ARHGAP26: variants seen among roughly 807,000 people sequenced by gnomAD.
ARHGAP26 encodes the protein Rho GTPase activating protein 26, also known as rho GTPase-activating protein 26.
In ARHGAP26, 38 loss-of-function variants were observed where a neutral mutation model predicts 104.8. That is an observed-to-expected ratio of 0.36 (90% CI 0.28 to 0.48). The LOEUF (loss-of-function observed/expected upper bound fraction) is 0.48. Ranked by LOEUF, ARHGAP26 falls within the 20% of genes least tolerant of loss-of-function variation. ARHGAP26 has a pLI of 0.99. For missense variants in ARHGAP26, 704 were observed against 947.9 expected (o/e 0.74, Z 3.38); for synonymous variants, 341 against 340.0 (o/e 1.00, Z -0.03).
intron 1 of ARHGAP26, among the ~76,000 whole-genome samples, chr5:142,851,120 CAG>C (rs1193534566): frequency 1.4e-5 from 2 of 146,420 alleles, no homozygotes; most frequent in Non-Finnish European, 3.0e-5. Flanking sequence ...TTTCCTGAGA[CAG>C]AGTCTCACTC....
intron 22 of ARHGAP26, 88 bp downstream of exon 22, chr5:143,214,176 C>T (rs1034592342): frequency 3.5e-6 from 3 of 856,354 alleles, no homozygotes; most frequent in East Asian, 2.8e-5. Flanking sequence ...AAGCTCCTCC[C>T]GAGGGAAAAT....
chr5:142,892,838 C>T (rs1336819415), intron 5 of ARHGAP26, among the ~76,000 whole-genome samples: 1 of 152,072 alleles, frequency 6.6e-6, no homozygotes, highest in East Asian at 1.9e-4. Flanking sequence ...TTCATATCTT[C>T]TAGATATTAT....
At chr5:143,185,223 G>A (rs972793859) in intron 20 of ARHGAP26, among the ~76,000 whole-genome samples, 5 of 152,182 alleles carry the variant, frequency 3.3e-5, no homozygotes, top group Non-Finnish European at 7.3e-5. Flanking sequence ...TAATGCACAA[G>A]ATGAAATATG....
At chr5:142,885,176 C>A in intron 4 of ARHGAP26, 122 bp from the exon 5 acceptor site, 2 of 751,484 alleles carry the variant, frequency 2.7e-6, no homozygotes, top group Non-Finnish European at 4.5e-6. Context: ...ATGGGCATTA[C>A]CTGAAAAGTA....
In ARHGAP26 at chr5:143,014,516, C is replaced by T. The variant is rs539089166; in HGVS notation, c.1144+400C>T. On this transcript the variant is annotated intron_variant, in intron 12 of 22. Coordinates refer to ENST00000645722, the MANE Select transcript of ARHGAP26 (RefSeq NM_001135608.3). The stretch of plus-strand genomic sequence containing the variant: ...GTTGCTGTTGCCTCCAGCACGGTCT[C>T]GCTCAAAGGACTGGAGAGGCAATAA... The T allele has an allele frequency of 2.8e-4, 52 of 184,808 alleles. 1 individual carries two copies. The highest frequency in any genetic ancestry group is 5.5e-5 in the Non-Finnish European group (5 of 90,694). 11.4% of individuals were successfully genotyped at this position (184,808 alleles called of 1,614,324 possible). A position where few individuals can be genotyped will look rare whatever the true frequency, so the allele number is the denominator to read the frequency against.
chr5:143,136,718 G>A (rs777175826), intron 19 of ARHGAP26, among the ~76,000 whole-genome samples: 2 of 152,150 alleles, frequency 1.3e-5, no homozygotes, highest in Non-Finnish European at 2.9e-5. Context: ...CCAGCCACCC[G>A]TCACTGTCGG....
intron 14 of ARHGAP26, among the ~76,000 whole-genome samples, chr5:143,053,898 C>T (rs1785398573): frequency 6.6e-6 from 1 of 152,078 alleles, no homozygotes; most frequent in African/African-American, 2.4e-5. Context: ...AGGCATTTTC[C>T]ATGTTGCTTT....
chr5:142,849,560 G>T (rs1370803643), intron 1 of ARHGAP26, among the ~76,000 whole-genome samples: 1 of 151,962 alleles, frequency 6.6e-6, no homozygotes, highest in Non-Finnish European at 1.5e-5. Context: ...TCTTTGTCCT[G>T]TGGATCTTCT....
chr5:142,877,668 A>G (rs1756327821), intron 3 of ARHGAP26, among the ~76,000 whole-genome samples: 1 of 152,226 alleles, frequency 6.6e-6, no homozygotes, highest in Non-Finnish European at 1.5e-5. Context: ...CTTTCGTTTT[A>G]TAAGCGACTA....
At chr5:142,838,806 A>C (rs554633317) in intron 1 of ARHGAP26, among the ~76,000 whole-genome samples, 12 of 152,338 alleles carry the variant, frequency 7.9e-5, no homozygotes, top group African/African-American at 2.6e-4. Flanking sequence ...TGAAATTTTC[A>C]TTATACAGAC....
At chr5:143,129,825 A>ATGTGCAT (rs1401022250) in intron 18 of ARHGAP26, among the ~76,000 whole-genome samples, 1 of 152,178 alleles carries the variant, frequency 6.6e-6, no homozygotes, top group East Asian at 1.9e-4. Context: ...TGAGCATTTT[A>ATGTGCAT]TGTGCATTGT....
intron 11 of ARHGAP26, among the ~76,000 whole-genome samples, chr5:143,008,518 G>T (rs1164800216): frequency 6.6e-6 from 1 of 152,220 alleles, no homozygotes; most frequent in Non-Finnish European, 1.5e-5. Context: ...GAACAGCCAG[G>T]TGGGAGGAGA....
intron 20 of ARHGAP26, among the ~76,000 whole-genome samples, chr5:143,181,192 C>G (rs1804294051): frequency 6.6e-6 from 1 of 152,226 alleles, no homozygotes; most frequent in South Asian, 2.1e-4. Flanking sequence ...AGCTTGAACA[C>G]AGCACTCTCC....
chr5:143,158,687 A>G (rs767565355), intron 20 of ARHGAP26, among the ~76,000 whole-genome samples: 12 of 152,228 alleles, frequency 7.9e-5, no homozygotes, highest in African/African-American at 1.7e-4. Context: ...TCACTAAGAC[A>G]TTGCTTTAAT....
At chr5:143,197,162 A>C (rs1348661702) in intron 20 of ARHGAP26, among the ~76,000 whole-genome samples, 1 of 152,098 alleles carries the variant, frequency 6.6e-6, no homozygotes, top group Non-Finnish European at 1.5e-5. Context: ...TTTACAAATA[A>C]TTTGCTCTAC....
intron 11 of ARHGAP26, among the ~76,000 whole-genome samples, chr5:142,986,144 T>A (rs557270081): frequency 2.6e-5 from 4 of 152,202 alleles, no homozygotes; most frequent in Admixed American, 6.5e-5. Context: ...GTGTTCCTAT[T>A]TCTCCACATC....
At chr5:142,867,288 G>GGTGTGTGTGTGTGTGTGT (rs70991782) in intron 1 of ARHGAP26, among the ~76,000 whole-genome samples, 1 of 143,596 alleles carries the variant, frequency 7.0e-6, no homozygotes, top group African/African-American at 2.6e-5. Context: ...ATTTGCACAG[G>GGTGTGTGTGTGTGTGTGT]GTGTGTGTGT....
At chr5:142,882,130 A>C (rs1253729224) in intron 4 of ARHGAP26, among the ~76,000 whole-genome samples, 1 of 152,216 alleles carries the variant, frequency 6.6e-6, no homozygotes, top group African/African-American at 2.4e-5. Flanking sequence ...AGTAGCGTAG[A>C]GAGTGGGTCT....
chr5:143,092,761 A>G (rs1598975539), intron 17 of ARHGAP26, among the ~76,000 whole-genome samples: 1 of 152,256 alleles, frequency 6.6e-6, no homozygotes, highest in South Asian at 2.1e-4. Flanking sequence ...CGTTCAGTCC[A>G]TATTAACTTA....
Sources: allele counts gnomAD v4.1 joint callset (sites outside exome capture counted in the v4.1 genomes callset), GRCh38; gene constraint gnomAD v4.1.1; transcripts MANE v1.5; gene names NCBI Gene and HGNC (gene_info 2026-07-23, HGNC 2026-07-21).